CHD7: variants seen among roughly 807,000 people sequenced by gnomAD.
The protein encoded by CHD7 is chromodomain helicase DNA binding protein 7, also known as ATP-dependent chromatin remodeler CHD7.
In CHD7, 24 loss-of-function variants were observed where a neutral mutation model predicts 307.3. The ratio of observed to expected loss-of-function variants is 0.08; its 90% CI spans 0.06 to 0.11. The LOEUF is 0.11. CHD7 is among the 10% of genes least tolerant of loss of function. CHD7 has a pLI of 1.00. For missense variants in CHD7, 3,106 were observed against 3,727.1 expected, an observed-to-expected ratio of 0.83 and a Z score of 4.34; for synonymous variants, 1,363 against 1,349.9, an observed-to-expected ratio of 1.01 and a Z score of -0.21.
chr8:60,712,407 A>G (rs1807324766), intron 1 of CHD7, among the ~76,000 whole-genome samples: 1 of 152,226 alleles, frequency 6.6e-6, no homozygotes, highest in Non-Finnish European at 1.5e-5. Context: ...GGACTCTGAG[A>G]TGCTTCAGAT....
chr8:60,691,388 G>A (rs147480015), intron 1 of CHD7, among the ~76,000 whole-genome samples: 15 of 152,242 alleles, frequency 9.9e-5, no homozygotes, highest in African/African-American at 2.9e-4. Flanking sequence ...TAAGAAAAAC[G>A]AGTCTTTTTA....
At chr8:60,859,421 A>G (rs1357889168) in intron 34 of CHD7, among the ~76,000 whole-genome samples, 1 of 152,224 alleles carries the variant, frequency 6.6e-6, no homozygotes, top group Non-Finnish European at 1.5e-5. Flanking sequence ...CTGAGAGTCA[A>G]AAAATACAGT....
At chr8:60,692,403 G>A (rs1166900580) in intron 1 of CHD7, among the ~76,000 whole-genome samples, 4 of 152,154 alleles carry the variant, frequency 2.6e-5, no homozygotes, top group Admixed American at 2.6e-4. Flanking sequence ...TTTGTATATA[G>A]TTCTGGTTTA....
At chr8:60,843,217 A>G (rs1002727453) in intron 21 of CHD7, among the ~76,000 whole-genome samples, 3 of 152,134 alleles carry the variant, frequency 2.0e-5, no homozygotes, top group African/African-American at 4.8e-5. Context: ...TGCTTGTTCA[A>G]CAGAAGTCCA....
In CHD7 at chr8:60,678,748, G is replaced by C. The variant is rs896345486; in HGVS notation, c.-509G>C. 1.5e-5 allele frequency: 2 copies of C among 137,910 alleles called. No homozygotes were observed. The highest frequency in any genetic ancestry group is 5.3e-5 in the African/African-American group (2 of 37,854). The allele number at this position is 137,910 out of a possible 1,614,324, so 8.5% of individuals were successfully genotyped here. A position where few individuals can be genotyped will look rare whatever the true frequency, so the allele number is the denominator to read the frequency against. ...CGCGGCGTGCCGGACGCGCGCAGGC[G>C]CTGGCGTGCTGGGGCCGCGGCGGCG... is the stretch of plus-strand genomic sequence containing the variant. On this transcript the variant is annotated 5_prime_UTR_variant, in exon 1 of 38. Coordinates refer to ENST00000423902, the MANE Select transcript of CHD7 (RefSeq NM_017780.4).
At chr8:60,695,142 T>C (rs1796367797) in intron 1 of CHD7, among the ~76,000 whole-genome samples, 1 of 151,986 alleles carries the variant, frequency 6.6e-6, no homozygotes, top group South Asian at 2.1e-4. Flanking sequence ...AGAAGTAAGG[T>C]TGACATTTGG....
intron 31 of CHD7, 60 bp downstream of exon 31, chr8:60,853,560 G>C: frequency 1.5e-6 from 2 of 1,357,458 alleles, no homozygotes; most frequent in Non-Finnish European, 2.0e-6. Flanking sequence ...GAGATGCGTT[G>C]CTTTCTGGCA....
intron 1 of CHD7, among the ~76,000 whole-genome samples, chr8:60,716,224 T>G (rs899829965): frequency 6.6e-6 from 1 of 152,228 alleles, no homozygotes; most frequent in Admixed American, 6.5e-5. Context: ...CTGCTCTCCC[T>G]GCTGTTGCCT....
intron 1 of CHD7, among the ~76,000 whole-genome samples, chr8:60,727,180 G>T (rs1808207353): frequency 6.6e-6 from 1 of 152,066 alleles, no homozygotes; most frequent in Non-Finnish European, 1.5e-5. Context: ...AGGCTGTGGT[G>T]CAGTGGTATG....
In CHD7 at chr8:60,865,844, T is replaced by TC; in HGVS notation, c.8908dup (p.Leu2970ProfsTer10). ...GAGCCTGGATAAGACTGCAGAGTCCTCCCTCTTAGAAGACGAAATAGCACA... is the reference window on the plus strand; with the variant it reads ...GAGCCTGGATAAGACTGCAGAGTCCTCCCCTCTTAGAAGACGAAATAGCACA... On this transcript the variant is annotated frameshift_variant, in exon 38 of 38. Transcript: ENST00000423902. LOFTEE classifies it high-confidence loss of function. The surrounding 1 kb of genome is among the most constrained non-coding windows in gnomAD (Gnocchi z 4.3). 1 of 1,613,356 alleles carries TC rather than the reference T, an allele frequency of 6.2e-7. No individual in the cohort carries two copies. Among genetic ancestry groups the TC allele is most frequent in the East Asian group, 2.2e-5 (1 of 44,884 alleles).
intron 15 of CHD7, 93 bp downstream of exon 15, chr8:60,830,670 G>T: frequency 3.6e-6 from 5 of 1,380,592 alleles, no homozygotes; most frequent in Non-Finnish European, 5.0e-6. Context: ...ATGGTGTATA[G>T]TCATTCCTGT....
At chr8:60,717,798 T>TG (rs1380053964) in intron 1 of CHD7, among the ~76,000 whole-genome samples, 2 of 152,224 alleles carry the variant, frequency 1.3e-5, no homozygotes, top group African/African-American at 4.8e-5. Context: ...GTGGTGATGG[T>TG]GGTATAAACA....
intron 2 of CHD7, among the ~76,000 whole-genome samples, chr8:60,763,187 T>C (rs1586286893): frequency 6.6e-6 from 1 of 152,234 alleles, no homozygotes; most frequent in African/African-American, 2.4e-5. Context: ...TTTCATTTAA[T>C]GCAAGATATA....
chr8:60,862,371 A>T, intron 36 of CHD7, 35 bp downstream of exon 36: 1 of 1,578,896 alleles, frequency 6.3e-7, no homozygotes, highest in Non-Finnish European at 8.6e-7. Context: ...TCACTATGCG[A>T]TTTCTTAGCC....
intron 1 of CHD7, among the ~76,000 whole-genome samples, chr8:60,690,797 G>A (rs114566793): frequency 0.026 from 3,944 of 152,246 alleles, 176 homozygotes; most frequent in African/African-American, 0.089. Flanking sequence ...ATGGTGAATG[G>A]TTGGGCTATG....
chr8:60,827,574 A>G (rs758018079), intron 13 of CHD7, among the ~76,000 whole-genome samples: 10 of 152,236 alleles, frequency 6.6e-5, no homozygotes, highest in Middle Eastern at 3.4e-3. Context: ...ATTGATCCTT[A>G]CTGTTTATGA....
chr8:60,854,191 T>C (rs1211986830), intron 31 of CHD7, among the ~76,000 whole-genome samples, 172 bp from the exon 32 acceptor site: 2 of 152,252 alleles, frequency 1.3e-5, no homozygotes, highest in African/African-American at 4.8e-5. Flanking sequence ...ACCATCTATG[T>C]TAAAGGGCTG....
At chr8:60,733,778 CTTTT>C (rs1225246780) in intron 1 of CHD7, among the ~76,000 whole-genome samples, 1 of 138,730 alleles carries the variant, frequency 7.2e-6, no homozygotes, top group South Asian at 2.2e-4. Flanking sequence ...AAAAGAACAG[CTTTT>C]TTTTTTTATC....
intron 21 of CHD7, among the ~76,000 whole-genome samples, chr8:60,843,161 C>T (rs1047043256): frequency 6.6e-6 from 1 of 152,174 alleles, no homozygotes; most frequent in Non-Finnish European, 1.5e-5. Context: ...CTTCATTGTG[C>T]CCTCAGTGTG....
Sources: gnomAD v4.1 joint callset for allele counts (sites outside exome capture counted in the v4.1 genomes callset) on GRCh38, gnomAD v4.1.1 for gene constraint, Gnocchi (gnomAD v3.1) non-coding constraint, MANE v1.5 for transcripts, NCBI Gene and HGNC (gene_info 2026-07-23, HGNC 2026-07-21) for gene names.